CSMD1: variants seen among roughly 807,000 people sequenced by gnomAD.
CSMD1 encodes the protein CUB and Sushi multiple domains 1, also known as CUB and sushi domain-containing protein 1.
Under a neutral mutation model 417.5 loss-of-function variants are expected in CSMD1, and 213 were observed. That is an observed-to-expected ratio of 0.51 (90% CI 0.46 to 0.57). The LOEUF (loss-of-function observed/expected upper bound fraction) is 0.57, where lower values mean the gene tolerates loss of function less well. Among genes scored for constraint, CSMD1 ranks in the 20% least tolerant of loss-of-function variants. The probability of loss-of-function intolerance (pLI) is 0.00; values close to 1 mark genes in which losing one functional copy is unlikely to be tolerated. For synonymous variants in CSMD1, 2,862 were observed against 1,736.8 expected, an observed-to-expected ratio of 1.65 and a Z score of -16.11; for missense variants, 6,923 against 4,529.7, an observed-to-expected ratio of 1.53 and a Z score of -15.17.
intron 2 of CSMD1, among the ~76,000 whole-genome samples, chr8:4,496,310 G>C (rs996924560): frequency 6.6e-6 from 1 of 152,170 alleles, no homozygotes; most frequent in African/African-American, 2.4e-5. Context: ...AATGGTTCAG[G>C]ATCAAAGGAC....
intron 10 of CSMD1, chr8:3,515,437 A>T (rs1016958260): frequency 6.6e-6 from 1 of 152,214 alleles, no homozygotes; most frequent in African/African-American, 2.4e-5. Context: ...CAAATTTGCT[A>T]ACTAGAGATT....
At chr8:3,153,511 G>A (rs1465870458) in intron 39 of CSMD1, among the ~76,000 whole-genome samples, 3 of 152,108 alleles carry the variant, frequency 2.0e-5, no homozygotes, top group African/African-American at 4.8e-5. Flanking sequence ...CAACTACAGG[G>A]AAGACACGAA....
chr8:4,064,139 G>T (rs1046411599), intron 3 of CSMD1, among the ~76,000 whole-genome samples: 1 of 152,138 alleles, frequency 6.6e-6, no homozygotes, highest in East Asian at 1.9e-4. Flanking sequence ...TTCTGCCTCT[G>T]ATGTAAAGTT....
intron 26 of CSMD1, among the ~76,000 whole-genome samples, chr8:3,254,497 C>G (rs989453376): frequency 6.6e-6 from 1 of 152,184 alleles, no homozygotes; most frequent in African/African-American, 2.4e-5. Context: ...TTCTCCCTGT[C>G]ACTTTCAGGT....
chr8:4,263,138 C>A (rs1804000260), intron 3 of CSMD1, among the ~76,000 whole-genome samples: 2 of 151,796 alleles, frequency 1.3e-5, no homozygotes, highest in Admixed American at 6.6e-5. Flanking sequence ...CTTATTTTTT[C>A]AAAAATGTAT....
chr8:4,943,884 G>A (rs10091128), intron 1 of CSMD1, among the ~76,000 whole-genome samples: 4 of 152,118 alleles, frequency 2.6e-5, no homozygotes, highest in Admixed American at 1.3e-4. Context: ...AGCCCAAAAC[G>A]CTTAAAGGTA....
intron 5 of CSMD1, among the ~76,000 whole-genome samples, chr8:3,907,706 T>C (rs1231913990): frequency 2.0e-5 from 3 of 152,208 alleles, no homozygotes; most frequent in African/African-American, 7.2e-5. Flanking sequence ...CTTCTGTGGA[T>C]TGCTGCCCTG....
intron 2 of CSMD1, among the ~76,000 whole-genome samples, chr8:4,553,934 C>T (rs1327549016): frequency 6.6e-6 from 1 of 152,108 alleles, no homozygotes; most frequent in African/African-American, 2.4e-5. Flanking sequence ...GAATTGACCT[C>T]AATGTGAAGG....
At chr8:4,475,606 T>C (rs189829114) in intron 2 of CSMD1, among the ~76,000 whole-genome samples, 14 of 150,094 alleles carry the variant, frequency 9.3e-5, no homozygotes, top group African/African-American at 3.5e-4. Flanking sequence ...GGGTTTTTTT[T>C]CTTTTTCTTT....
chr8:4,381,319 G>T (rs748864095), intron 3 of CSMD1, among the ~76,000 whole-genome samples: 10 of 152,154 alleles, frequency 6.6e-5, no homozygotes, highest in Admixed American at 1.3e-4. Context: ...AATTGCACTG[G>T]CTATTCATTC....
intron 3 of CSMD1, among the ~76,000 whole-genome samples, chr8:4,311,877 G>T (rs1281047510): frequency 6.6e-6 from 1 of 151,918 alleles, no homozygotes; most frequent in Non-Finnish European, 1.5e-5. Flanking sequence ...ATAATACCTG[G>T]GTGATCAAAT....
chr8:4,702,246 A>G (rs1012054832), intron 1 of CSMD1, among the ~76,000 whole-genome samples: 1 of 152,178 alleles, frequency 6.6e-6, no homozygotes. Flanking sequence ...GCATGTACCC[A>G]ATAACTTAAA....
chr8:3,523,888 C>A (rs1386708897), intron 10 of CSMD1, among the ~76,000 whole-genome samples: 1 of 148,840 alleles, frequency 6.7e-6, no homozygotes, highest in Non-Finnish European at 1.5e-5. Context: ...CACACATGCA[C>A]AGAGACATAT....
At chr8:3,694,038 G>C (rs943872973) in intron 7 of CSMD1, among the ~76,000 whole-genome samples, 1 of 140,110 alleles carries the variant, frequency 7.1e-6, no homozygotes, top group African/African-American at 2.7e-5. Context: ...GTGTGTGTTG[G>C]GTATGTGTGT....
chr8:4,063,644 G>A (rs890935093), intron 3 of CSMD1, among the ~76,000 whole-genome samples: 1 of 152,192 alleles, frequency 6.6e-6, no homozygotes, highest in Non-Finnish European at 1.5e-5. Flanking sequence ...GACACATCAG[G>A]TGCTGCCTCC....
chr8:3,670,209 T>A (rs1044901001), intron 7 of CSMD1, among the ~76,000 whole-genome samples: 1 of 151,952 alleles, frequency 6.6e-6, no homozygotes, highest in Non-Finnish European at 1.5e-5. Flanking sequence ...GGGTACCCTC[T>A]AATCAGCTGC....
intron 31 of CSMD1, among the ~76,000 whole-genome samples, chr8:3,202,180 A>C (rs1256402061): frequency 6.6e-6 from 1 of 152,174 alleles, no homozygotes; most frequent in Non-Finnish European, 1.5e-5. Context: ...GAAAAAAAAG[A>C]ATATCTGTAA....
intron 12 of CSMD1, among the ~76,000 whole-genome samples, chr8:3,423,639 G>A (rs1160262672): frequency 6.6e-6 from 1 of 152,192 alleles, no homozygotes; most frequent in Non-Finnish European, 1.5e-5. Flanking sequence ...GTCACCAGCT[G>A]ATGGGCATTT....
chr8:4,181,745 A>G (rs569336915), intron 3 of CSMD1, among the ~76,000 whole-genome samples: 6 of 152,248 alleles, frequency 3.9e-5, no homozygotes, highest in Non-Finnish European at 5.9e-5. Context: ...AAAATAAACA[A>G]CAATTCTTAT....
Sources: allele counts gnomAD v4.1 joint callset (sites outside exome capture counted in the v4.1 genomes callset), GRCh38; gene constraint gnomAD v4.1.1; transcripts MANE v1.5; gene names NCBI Gene and HGNC (gene_info 2026-07-23, HGNC 2026-07-21).